ZNF804A: variants seen among roughly 807,000 people sequenced by gnomAD.
ZNF804A encodes the protein zinc finger protein 804A.
ZNF804A carries 2 observed loss-of-function variants against 16.5 expected under a neutral mutation model. The observed-to-expected ratio is 0.12, with a 90% CI of 0.05 to 0.38. The LOEUF (loss-of-function observed/expected upper bound fraction) is 0.38, where lower values mean the gene tolerates loss of function less well. Ranked by LOEUF, ZNF804A falls within the 10% of genes least tolerant of loss-of-function variation. ZNF804A has a pLI of 0.99. For synonymous variants in ZNF804A, 534 were observed against 489.6 expected (o/e 1.09, Z -1.20); for missense variants, 1,473 against 1,390.7 (o/e 1.06, Z -0.94).
At chr2:184,738,025 TTGAGGC>T (rs1693657071) in intron 1 of ZNF804A, among the ~76,000 whole-genome samples, 1 of 146,516 alleles carries the variant, frequency 6.8e-6, no homozygotes, top group African/African-American at 2.5e-5. Flanking sequence ...ACTTGGGAGG[TTGAGGC>T]AAGAGAATCA....
At chr2:184,760,875 C>G (rs1240188750) in intron 1 of ZNF804A, among the ~76,000 whole-genome samples, 2 of 152,104 alleles carry the variant, frequency 1.3e-5, no homozygotes, top group African/African-American at 4.8e-5. Context: ...ATGTATGAGA[C>G]TTTCTCTCCA....
chr2:184,938,469 G>C lies in ZNF804A; in HGVS notation c.3073G>C (p.Ala1025Pro). 1 of 1,613,950 alleles carries C rather than the reference G, an allele frequency of 6.2e-7. No individual in the cohort carries two copies. The part of the protein sequence containing the change: ...HTFVTAEQIL[A>P]PLALPEQALL... ...TTTTGTAACAGCTGAGCAAATCCTG[G>C]CTCCATTAGCTTTACCAGAGCAAGC... is the stretch of plus-strand genomic sequence containing the variant. The change falls in exon 4 of 4, where the codon GCT (alanine) becomes CCT (proline). Residue 1025 changes from alanine (A) to proline (P), a missense_variant. Ala to Pro is a conservative substitution (Grantham distance 27). Transcript: ENST00000302277.
intron 1 of ZNF804A, among the ~76,000 whole-genome samples, chr2:184,670,198 A>G (rs1692320751): frequency 6.6e-6 from 1 of 151,642 alleles, no homozygotes; most frequent in African/African-American, 2.4e-5. Flanking sequence ...TGATAGCTCT[A>G]TTTTTTTCTG....
At chr2:184,796,418 G>C (rs1011370857) in intron 1 of ZNF804A, among the ~76,000 whole-genome samples, 2 of 152,034 alleles carry the variant, frequency 1.3e-5, no homozygotes, top group Non-Finnish European at 2.9e-5. Context: ...TTATTGGTCT[G>C]TTCGGGTTAT....
At chr2:184,896,974 G>T (rs936115985) in intron 2 of ZNF804A, among the ~76,000 whole-genome samples, 2 of 151,988 alleles carry the variant, frequency 1.3e-5, no homozygotes, top group Admixed American at 1.3e-4. Flanking sequence ...CTTGTGGTGG[G>T]TTTTATTGGT....
At position 184,806,077 on chromosome 2, in the gene ZNF804A, C is replaced by T. The variant is rs377506285; in HGVS notation, c.112-60292C>T. Among the ~76,000 whole-genome samples the T allele has an allele frequency of 1.3e-4, 20 of 151,748 alleles. No individual in the cohort carries two copies. In the East Asian group the frequency reaches 3.5e-3, roughly 26 times the overall value. ...AGTTAAAAAAAATCCACTTTGTTTC[C>T]CCGGGATATTTATAGTCAGAAAAAA... is the stretch of plus-strand genomic sequence containing the variant. On this transcript the variant is annotated intron_variant, in intron 1 of 3. Transcript: ENST00000302277.
At chr2:184,712,592 G>T (rs758159238) in intron 1 of ZNF804A, among the ~76,000 whole-genome samples, 1 of 151,488 alleles carries the variant, frequency 6.6e-6, no homozygotes, top group Admixed American at 6.6e-5. Flanking sequence ...AGAAGTTTTG[G>T]CCATTATTTC....
intron 2 of ZNF804A, among the ~76,000 whole-genome samples, chr2:184,906,411 A>G (rs370315222): frequency 1.3e-5 from 2 of 151,908 alleles, no homozygotes; most frequent in South Asian, 2.1e-4. Context: ...CAATTATTCC[A>G]CCTCAGGTTC....
chr2:184,902,855 G>T (rs563925709), intron 2 of ZNF804A, among the ~76,000 whole-genome samples: 35 of 152,170 alleles, frequency 2.3e-4, no homozygotes, highest in Admixed American at 7.9e-4. Context: ...TTGAACTGTT[G>T]TTTGTGCTAA....
At chr2:184,634,095 G>C (rs2105688494) in intron 1 of ZNF804A, among the ~76,000 whole-genome samples, 1 of 152,172 alleles carries the variant, frequency 6.6e-6, no homozygotes, top group South Asian at 2.1e-4. Flanking sequence ...GATATTCCCA[G>C]GTTCACAAAT....
At chr2:184,768,545 A>G (rs1022453595) in intron 1 of ZNF804A, among the ~76,000 whole-genome samples, 3 of 152,072 alleles carry the variant, frequency 2.0e-5, no homozygotes, top group Non-Finnish European at 4.4e-5. Context: ...AGCACAGATT[A>G]CTGGGTGAAT....
intron 1 of ZNF804A, among the ~76,000 whole-genome samples, chr2:184,607,936 CTTTTTT>C (rs34262998): frequency 5.2e-4 from 34 of 65,654 alleles, no homozygotes; most frequent in African/African-American, 1.4e-3. Context: ...TGATGCATCT[CTTTTTT>C]TTTTTTTTTT....
intron 2 of ZNF804A, among the ~76,000 whole-genome samples, chr2:184,870,601 G>A (rs960194446): frequency 7.9e-5 from 12 of 151,690 alleles, no homozygotes; most frequent in African/African-American, 2.7e-4. Context: ...CATTCAAGTC[G>A]TTCACTGTTT....
intron 1 of ZNF804A, among the ~76,000 whole-genome samples, chr2:184,683,170 G>C (rs1186819691): frequency 6.6e-6 from 1 of 151,998 alleles, no homozygotes; most frequent in Non-Finnish European, 1.5e-5. Context: ...CTGTGTTGCA[G>C]GTGTTGTGTG....
chr2:184,702,826 A>T (rs1385278607), intron 1 of ZNF804A, among the ~76,000 whole-genome samples: 1 of 152,108 alleles, frequency 6.6e-6, no homozygotes. Context: ...TCTGTATGTT[A>T]TGTGTATATG....
chr2:184,736,044 T>C (rs1382008805), intron 1 of ZNF804A, among the ~76,000 whole-genome samples: 3 of 152,210 alleles, frequency 2.0e-5, no homozygotes, highest in Non-Finnish European at 4.4e-5. Flanking sequence ...TGAATAAAGC[T>C]TGGCTTACTG....
chr2:184,882,427 G>T (rs1447580754), intron 2 of ZNF804A, among the ~76,000 whole-genome samples: 1 of 151,930 alleles, frequency 6.6e-6, no homozygotes, highest in African/African-American at 2.4e-5. Context: ...AAGATATTCA[G>T]GACTTGAACA....
chr2:184,637,107 CTT>C (rs1691712607), intron 1 of ZNF804A, among the ~76,000 whole-genome samples: 1 of 152,072 alleles, frequency 6.6e-6, no homozygotes, highest in Non-Finnish European at 1.5e-5. Flanking sequence ...TCAAATATGT[CTT>C]ATTTTTAATT....
intron 2 of ZNF804A, among the ~76,000 whole-genome samples, chr2:184,921,663 C>T (rs539760953): frequency 4.6e-5 from 7 of 152,018 alleles, no homozygotes; most frequent in African/African-American, 7.2e-5. Flanking sequence ...TTTAAATGTA[C>T]AATTAAATTA....
Sources: gnomAD v4.1 joint callset for allele counts (sites outside exome capture counted in the v4.1 genomes callset) on GRCh38, gnomAD v4.1.1 for gene constraint, MANE v1.5 for transcripts, NCBI Gene and HGNC (gene_info 2026-07-23, HGNC 2026-07-21) for gene names.